Variants in CAST observed in about 807,000 individuals in gnomAD.
CAST encodes calpastatin.
In CAST, 76 loss-of-function variants were observed where a neutral mutation model predicts 119.6. The ratio of observed to expected loss-of-function variants is 0.64; its 90% CI spans 0.53 to 0.77. The LOEUF is 0.77. Ranked by LOEUF, CAST falls within the 30% of genes least tolerant of loss-of-function variation. The pLI, the probability that CAST is intolerant of heterozygous loss-of-function variation, is 0.00. For missense variants in CAST, 953 were observed against 946.5 expected (o/e 1.01, Z -0.09); for synonymous variants, 319 against 331.6 (o/e 0.96, Z 0.41).
At chr5:96,748,634 A>G (rs2150565266) in intron 19 of CAST, 21 bp downstream of exon 19, 1 of 1,175,470 alleles carries the variant, frequency 8.5e-7, no homozygotes, top group Non-Finnish European at 1.3e-6. Flanking sequence ...AAACATATAA[A>G]TCTCTAGTTT....
chr5:96,371,548 C>A, the CAST span, among the ~76,000 whole-genome samples: 1 of 152,186 alleles, frequency 6.6e-6, no homozygotes, highest in Non-Finnish European at 1.5e-5. Flanking sequence ...GCTCAAGGTG[C>A]AAAATTAAAC....
At chr5:96,509,552 T>C in the CAST span, among the ~76,000 whole-genome samples, 1 of 152,222 alleles carries the variant, frequency 6.6e-6, no homozygotes, top group East Asian at 1.9e-4. Flanking sequence ...GTGCTTCTGC[T>C]ATAAATAATC....
At chr5:96,198,522 CT>C in the CAST span, among the ~76,000 whole-genome samples, 1 of 152,120 alleles carries the variant, frequency 6.6e-6, no homozygotes, top group Admixed American at 6.5e-5. Context: ...TCTCCTCCTC[CT>C]TGTGTGCTGG....
chr5:95,972,283 T>C, the CAST span, among the ~76,000 whole-genome samples: 1 of 152,214 alleles, frequency 6.6e-6, no homozygotes, highest in African/African-American at 2.4e-5. Context: ...TTATTATGTA[T>C]AGTAAGTGTA....
At chr5:96,398,736 A>C in the CAST span, 5 of 744,460 alleles carry the variant, frequency 6.7e-6, no homozygotes, top group African/African-American at 1.8e-5. Context: ...ACACCAAGAA[A>C]AAGGAAAAAA....
At chr5:96,679,690 G>GT (rs1413937468) in intron 2 of CAST, 4 of 152,042 alleles carry the variant, frequency 2.6e-5, no homozygotes, top group Non-Finnish European at 4.4e-5. Flanking sequence ...AGGAAAAGAT[G>GT]TTTTTTTACA....
the CAST span, among the ~76,000 whole-genome samples, chr5:96,236,931 G>C: frequency 2.0e-5 from 3 of 152,126 alleles, no homozygotes; most frequent in African/African-American, 7.2e-5. Flanking sequence ...AAATGCCGTG[G>C]CCTCTTTCCT....
chr5:96,161,714 C>G, the CAST span, among the ~76,000 whole-genome samples: 1 of 152,116 alleles, frequency 6.6e-6, no homozygotes, highest in African/African-American at 2.4e-5. Context: ...TGGAGTGTTG[C>G]TATCCTAATA....
chr5:96,021,906 T>C, the CAST span, among the ~76,000 whole-genome samples: 1 of 152,208 alleles, frequency 6.6e-6, no homozygotes, highest in Admixed American at 6.5e-5. Context: ...TTGCCTATCA[T>C]TGGATTCCAC....
chr5:96,150,776 C>T, the CAST span, among the ~76,000 whole-genome samples: 4 of 152,070 alleles, frequency 2.6e-5, no homozygotes, highest in Non-Finnish European at 4.4e-5. Context: ...GGGACCAACC[C>T]GAAAGACTAT....
intron 1 of CAST, among the ~76,000 whole-genome samples, chr5:96,634,163 T>C (rs946252948): frequency 6.6e-6 from 1 of 152,216 alleles, no homozygotes; most frequent in Non-Finnish European, 1.5e-5. Context: ...AAACAGTGCT[T>C]TGATTTCAGA....
chr5:96,335,399 G>A, the CAST span, among the ~76,000 whole-genome samples: 1 of 152,102 alleles, frequency 6.6e-6, no homozygotes, highest in African/African-American at 2.4e-5. Flanking sequence ...TGTTGCTTGT[G>A]TGCACCACTC....
chr5:96,095,582 A>G, the CAST span, among the ~76,000 whole-genome samples: 1 of 139,008 alleles, frequency 7.2e-6, no homozygotes, highest in East Asian at 2.0e-4. Context: ...AAAAAAAAAA[A>G]AAAAAGACCT....
chr5:96,337,223 C>T, the CAST span, among the ~76,000 whole-genome samples: 1 of 152,060 alleles, frequency 6.6e-6, no homozygotes, highest in Non-Finnish European at 1.5e-5. Context: ...CACACACACA[C>T]CCATAGACAC....
the CAST span, among the ~76,000 whole-genome samples, chr5:96,509,626 C>G: frequency 1.3e-5 from 2 of 152,160 alleles, no homozygotes; most frequent in South Asian, 4.1e-4. Flanking sequence ...GCTATGGGAA[C>G]AGTCTGCATT....
At chr5:96,467,471 T>C in the CAST span, among the ~76,000 whole-genome samples, 4 of 152,116 alleles carry the variant, frequency 2.6e-5, no homozygotes, top group African/African-American at 9.7e-5. Context: ...AGTTTTTACA[T>C]TTTGATCCCT....
chr5:96,087,555 G>A, the CAST span, among the ~76,000 whole-genome samples: 1 of 152,166 alleles, frequency 6.6e-6, no homozygotes, highest in East Asian at 1.9e-4. Context: ...TGAGCTGAAT[G>A]ACCCCTGGAA....
chr5:96,267,360 C>G, the CAST span, among the ~76,000 whole-genome samples: 3 of 152,174 alleles, frequency 2.0e-5, no homozygotes, highest in Non-Finnish European at 4.4e-5. Flanking sequence ...CCAAATAAGA[C>G]TGCCCCAAGG....
the CAST span, among the ~76,000 whole-genome samples, chr5:96,310,554 G>T: frequency 8.0e-6 from 1 of 125,534 alleles, no homozygotes; most frequent in Middle Eastern, 4.1e-3. Flanking sequence ...AAGCAATCAG[G>T]TCTTAGGCTT....
Sources: gnomAD v4.1 joint callset for allele counts (sites outside exome capture counted in the v4.1 genomes callset) on GRCh38, gnomAD v4.1.1 for gene constraint, MANE v1.5 for transcripts, NCBI Gene and HGNC (gene_info 2026-07-23, HGNC 2026-07-21) for gene names.